Variants in ANK1 observed in about 807,000 individuals in gnomAD.
ANK1 encodes the protein ankyrin-1.
ANK1 carries 51 observed loss-of-function variants against 210.4 expected under a neutral mutation model. The ratio of observed to expected loss-of-function variants is 0.24; its 90% CI spans 0.19 to 0.31. The LOEUF (loss-of-function observed/expected upper bound fraction) is 0.31, where lower values mean the gene tolerates loss of function less well. ANK1 is among the 10% of genes least tolerant of loss of function. The probability of loss-of-function intolerance (pLI) is 1.00; values close to 1 mark genes in which losing one functional copy is unlikely to be tolerated. For missense variants in ANK1, 2,051 were observed against 2,504.4 expected (o/e 0.82, Z 3.86); for synonymous variants, 967 against 1,025.9 (o/e 0.94, Z 1.10).
intron 40 of ANK1, among the ~76,000 whole-genome samples, chr8:41,663,114 C>CTCTCTGTGTGTG (rs1554517870): frequency 1.4e-5 from 2 of 145,118 alleles, no homozygotes; most frequent in Admixed American, 1.4e-4. Flanking sequence ...CTCTCTCTCT[C>CTCTCTGTGTGTG]TGTGTGTGTG....
intron 1 of ANK1, among the ~76,000 whole-genome samples, chr8:41,821,776 G>T (rs1334330531): frequency 6.6e-6 from 1 of 152,062 alleles, no homozygotes; most frequent in Non-Finnish European, 1.5e-5. Flanking sequence ...GGCCAGGCGC[G>T]GTGGCTTATG....
chr8:41,791,447 C>CTT (rs76900426), intron 1 of ANK1, among the ~76,000 whole-genome samples: 2 of 142,422 alleles, frequency 1.4e-5, no homozygotes, highest in African/African-American at 5.2e-5. Context: ...CTCTTTCTTT[C>CTT]TTTTTTTTTT....
rs1419580883 is a variant in ANK1, at chr8:41,797,605, G to T, written c.-67C>A. Reference sequence around the variant, plus strand: ...TTGAGGAGGAGCAGCTGGGGCTGGCGGACTCACCGCAGCCTCTGCGGGGCC... The same window carrying T: ...TTGAGGAGGAGCAGCTGGGGCTGGCTGACTCACCGCAGCCTCTGCGGGGCC... On this transcript the variant is annotated 5_prime_UTR_variant, in exon 1 of 43. Transcript: ENST00000289734. The surrounding 1 kb of genome is among the most constrained non-coding windows in gnomAD (Gnocchi z 4.0). 9 of 1,605,136 alleles carry T rather than the reference G, an allele frequency of 5.6e-6. No homozygotes were observed. In the South Asian group the frequency reaches 6.7e-5, roughly 12 times the overall value.
In ANK1 at chr8:41,692,883, A is replaced by T. The variant is rs1563443590; in HGVS notation, c.3630-7T>A. On this transcript the variant is annotated splice_region_variant and splice_polypyrimidine_tract_variant and intron_variant, in intron 30 of 42. Coordinates refer to ENST00000289734, the MANE Select transcript of ANK1 (RefSeq NM_000037.4). ...ACAGTCCGACAGCCAAAACCTAAAAAGTAGGGCGAGTTATGTGTTCCCAAG... is the reference window on the plus strand; with the variant it reads ...ACAGTCCGACAGCCAAAACCTAAAATGTAGGGCGAGTTATGTGTTCCCAAG... The T allele has an allele frequency of 6.2e-7, 1 of 1,612,764 alleles. No homozygotes were observed. Among genetic ancestry groups the T allele is most frequent in the East Asian group, 2.2e-5 (1 of 44,870 alleles).
At chr8:41,767,657 G>C (rs1353176487) in intron 1 of ANK1, among the ~76,000 whole-genome samples, 1 of 152,092 alleles carries the variant, frequency 6.6e-6, no homozygotes, top group African/African-American at 2.4e-5. Context: ...CCTGCGAAGG[G>C]GGTGCGCGCG....
intron 2 of ANK1, among the ~76,000 whole-genome samples, chr8:41,739,066 T>A (rs1563623683): frequency 2.6e-5 from 4 of 152,282 alleles, no homozygotes; most frequent in African/African-American, 9.6e-5. Flanking sequence ...TTCCTACAGA[T>A]ACTGCCTTCT....
At chr8:41,836,934 A>C (rs936475837) in intron 1 of ANK1, among the ~76,000 whole-genome samples, 8 of 151,814 alleles carry the variant, frequency 5.3e-5, no homozygotes, top group Non-Finnish European at 1.0e-4. Context: ...GAAAAAAAAA[A>C]AAAAAACAAA....
intron 1 of ANK1, among the ~76,000 whole-genome samples, chr8:41,808,477 C>A (rs1264180135): frequency 1.3e-5 from 2 of 151,984 alleles, no homozygotes; most frequent in Non-Finnish European, 2.9e-5. Flanking sequence ...CCAGCCTGAC[C>A]AACATAGTGA....
intron 8 of ANK1, 122 bp from the exon 9 acceptor site, chr8:41,723,345 G>A: frequency 8.3e-7 from 1 of 1,202,728 alleles, no homozygotes; most frequent in Non-Finnish European, 1.2e-6. Flanking sequence ...TCAAGCACCA[G>A]CTCGACCTCA....
intron 1 of ANK1, among the ~76,000 whole-genome samples, chr8:41,785,321 C>T (rs1334534773): frequency 2.0e-5 from 3 of 152,192 alleles, no homozygotes; most frequent in East Asian, 1.9e-4. Flanking sequence ...GAACACACCA[C>T]TCCACTCCAG....
intron 1 of ANK1, among the ~76,000 whole-genome samples, chr8:41,865,858 C>T (rs180764750): frequency 6.6e-6 from 1 of 152,326 alleles, no homozygotes; most frequent in Admixed American, 6.5e-5. Flanking sequence ...TCTCTCTCCC[C>T]TATCCCTGCA....
rs139062192 is a variant in ANK1, at chr8:41,869,364, G to A, written c.126+26991C>T. Among the ~76,000 whole-genome samples, 491 of 152,300 alleles carry A rather than the reference G, an allele frequency of 3.2e-3. 4 individuals carry two copies. The highest frequency in any genetic ancestry group is 0.011 in the African/African-American group (466 of 41,566). ...TGCAGATTTGAGGACCCCATCCTCT[G>A]AGATCTTAATTCAGTCATTCTGAGG... On this transcript the variant is annotated intron_variant, in intron 1 of 42. Transcript: ENST00000265709.
intron 1 of ANK1, among the ~76,000 whole-genome samples, chr8:41,758,558 T>C (rs1014610457): frequency 6.6e-6 from 1 of 152,060 alleles, no homozygotes; most frequent in African/African-American, 2.4e-5. Flanking sequence ...CTCAGGCTGG[T>C]CTCAAACTCC....
intron 1 of ANK1, among the ~76,000 whole-genome samples, chr8:41,850,980 G>A (rs1811134367): frequency 6.6e-6 from 1 of 152,220 alleles, no homozygotes; most frequent in Non-Finnish European, 1.5e-5. Context: ...TGGGTGTCTG[G>A]TAAAGAGAAG....
intron 1 of ANK1, among the ~76,000 whole-genome samples, chr8:41,894,103 T>C (rs1340933810): frequency 2.0e-5 from 3 of 152,082 alleles, no homozygotes; most frequent in African/African-American, 4.8e-5. Context: ...CTGAGAAAAC[T>C]CACAGCCCTT....
intron 1 of ANK1, among the ~76,000 whole-genome samples, chr8:41,762,825 T>G (rs1225454447): frequency 6.6e-6 from 1 of 152,252 alleles, no homozygotes; most frequent in African/African-American, 2.4e-5. Flanking sequence ...ATAATAGGAT[T>G]CAGGCTGAAA....
chr8:41,765,057 C>T (rs1235319400), intron 1 of ANK1, among the ~76,000 whole-genome samples: 2 of 150,554 alleles, frequency 1.3e-5, no homozygotes, highest in South Asian at 2.1e-4. Context: ...CAATCATTTC[C>T]CTTCCTTCCT....
At chr8:41,723,748 C>A in intron 7 of ANK1, 115 bp from the exon 8 acceptor site, 1 of 779,790 alleles carries the variant, frequency 1.3e-6, no homozygotes, top group East Asian at 2.7e-5. Flanking sequence ...ACAGCGTTGT[C>A]AGGGCATTTC....
At chr8:41,725,468 C>T (rs1830441834) in intron 6 of ANK1, among the ~76,000 whole-genome samples, 1 of 152,160 alleles carries the variant, frequency 6.6e-6, no homozygotes, top group Non-Finnish European at 1.5e-5. Context: ...AGGAAGGCCG[C>T]CTCCTGGGGT....
Sources: gnomAD v4.1 joint callset for allele counts (sites outside exome capture counted in the v4.1 genomes callset) on GRCh38, gnomAD v4.1.1 for gene constraint, Gnocchi (gnomAD v3.1) non-coding constraint, MANE v1.5 for transcripts, NCBI Gene and HGNC (gene_info 2026-07-23, HGNC 2026-07-21) for gene names.